Variants in SLC25A33 observed in about 807,000 individuals in gnomAD.
SLC25A33 encodes solute carrier family 25 member 33.
SLC25A33 carries 15 observed loss-of-function variants against 35.5 expected under a neutral mutation model. The observed-to-expected ratio is 0.42, with a 90% CI of 0.28 to 0.65. The LOEUF is 0.65. Among genes scored for constraint, SLC25A33 ranks in the 30% least tolerant of loss-of-function variants. The pLI is 0.20. For missense variants in SLC25A33, 257 were observed against 398.5 expected (o/e 0.64, Z 3.02); for synonymous variants, 136 against 148.7 (o/e 0.91, Z 0.62).
chr1:9,563,311 C>T (rs1244486146), intron 2 of SLC25A33, among the ~76,000 whole-genome samples: 2 of 152,170 alleles, frequency 1.3e-5, no homozygotes, highest in Non-Finnish European at 2.9e-5. Flanking sequence ...CATCTAATTG[C>T]TAGCCTACTA....
At chr1:9,567,520 G>A (rs1383308312) in intron 3 of SLC25A33, among the ~76,000 whole-genome samples, 159 bp downstream of exon 3, 4 of 152,200 alleles carry the variant, frequency 2.6e-5, no homozygotes, top group Non-Finnish European at 5.9e-5. Flanking sequence ...AATGCTAGGC[G>A]TGTCTTCAGT....
chr1:9,564,739 A>AAAAATATATATAT (rs60174872), intron 2 of SLC25A33, among the ~76,000 whole-genome samples: 35 of 96,578 alleles, frequency 3.6e-4, no homozygotes, highest in African/African-American at 1.5e-3. Context: ...AAAAAAAAAA[A>AAAAATATATATAT]ATATATATAT....
In SLC25A33 at chr1:9,578,287, C is replaced by T. The variant is rs1643691693; in HGVS notation, c.483-1667C>T. On this transcript the variant is annotated intron_variant, in intron 5 of 6. Coordinates refer to ENST00000302692, the MANE Select transcript of SLC25A33 (RefSeq NM_032315.3). The surrounding 1 kb of genome is among the most constrained non-coding windows in gnomAD (Gnocchi z 4.3). ...TAGAAAGGTCACTGCCGCTAAGGAG[C>T]GGGAACAGTCTATGCGGAGATAATA... Among the ~76,000 whole-genome samples the T allele has an allele frequency of 1.3e-5, 2 of 152,080 alleles. No homozygotes were observed. Among genetic ancestry groups the T allele is most frequent in the South Asian group, 2.1e-4 (1 of 4,830 alleles).
rs949316457 is a variant in SLC25A33 at position 9,578,103 on chromosome 1, A to G, written c.483-1851A>G. Among the ~76,000 whole-genome samples the G allele has an allele frequency of 6.6e-6, 1 of 152,070 alleles. No individual in the cohort carries two copies. The highest frequency in any genetic ancestry group is 6.6e-5 in the Admixed American group (1 of 15,262). ...CGGCTAATTTTTTGTATTTTTTAGT[A>G]GAGACGGGGTTTCACCGTGTTAGCC... On this transcript the variant is annotated intron_variant, in intron 5 of 6. Coordinates refer to ENST00000302692, the MANE Select transcript of SLC25A33 (RefSeq NM_032315.3). This position sits in a 1 kb window ranked among gnomAD's most constrained non-coding sequence, Gnocchi z 4.3.
At chr1:9,543,090 T>C (rs1041898116) in intron 1 of SLC25A33, among the ~76,000 whole-genome samples, 3 of 152,194 alleles carry the variant, frequency 2.0e-5, no homozygotes, top group Admixed American at 6.5e-5. Flanking sequence ...AGTGCTAGGA[T>C]TATACAGGTG....
At chr1:9,572,456 A>C (rs1569871659) in intron 4 of SLC25A33, among the ~76,000 whole-genome samples, 1 of 81,336 alleles carries the variant, frequency 1.2e-5, no homozygotes, top group Non-Finnish European at 2.2e-5. Flanking sequence ...CTAAAAATAC[A>C]AAAAAAAAAA....
chr1:9,560,841 G>A (rs1325723839), intron 2 of SLC25A33, among the ~76,000 whole-genome samples: 1 of 150,366 alleles, frequency 6.7e-6, no homozygotes, highest in African/African-American at 2.5e-5. Context: ...ATGTGCCAGA[G>A]TAATAAATAG....
intron 1 of SLC25A33, among the ~76,000 whole-genome samples, chr1:9,548,512 G>A (rs1643213615): frequency 6.6e-6 from 1 of 152,184 alleles, no homozygotes; most frequent in South Asian, 2.1e-4. Flanking sequence ...AACCTGGGAG[G>A]CAGAGGTTGC....
chr1:9,544,416 G>A (rs1370189303), intron 1 of SLC25A33, among the ~76,000 whole-genome samples: 2 of 151,652 alleles, frequency 1.3e-5, no homozygotes, highest in East Asian at 2.0e-4. Flanking sequence ...TTACAGGCAC[G>A]TGCCACCATG....
chr1:9,550,011 ATTTTTTT>A (rs70979761), intron 1 of SLC25A33, among the ~76,000 whole-genome samples: 7 of 48,864 alleles, frequency 1.4e-4, no homozygotes, highest in Non-Finnish European at 2.3e-4. Context: ...ATATATATAT[ATTTTTTT>A]TTTTTTTTTT....
At position 9,578,071 on chromosome 1, in the gene SLC25A33, C is replaced by T. The variant is rs1183346036; in HGVS notation, c.483-1883C>T. Among the ~76,000 whole-genome samples, 1 of 152,160 alleles carries T rather than the reference C, an allele frequency of 6.6e-6. No homozygotes were observed. Among genetic ancestry groups the T allele is most frequent in the Non-Finnish European group, 1.5e-5 (1 of 68,030 alleles). On this transcript the variant is annotated intron_variant, in intron 5 of 6. Coordinates refer to ENST00000302692, the MANE Select transcript of SLC25A33 (RefSeq NM_032315.3). The surrounding 1 kb of genome is among the most constrained non-coding windows in gnomAD (Gnocchi z 4.3). Reference sequence around the variant, plus strand: ...CCGAGTAGCTGGGAAGTGCCCGCCACCATGCCCGGCTAATTTTTTGTATTT... The same window carrying T: ...CCGAGTAGCTGGGAAGTGCCCGCCATCATGCCCGGCTAATTTTTTGTATTT...
At chr1:9,545,215 T>TTTTG (rs1035790934) in intron 1 of SLC25A33, among the ~76,000 whole-genome samples, 13 of 152,112 alleles carry the variant, frequency 8.5e-5, no homozygotes, top group African/African-American at 2.4e-4. Flanking sequence ...GTTTTTTTTG[T>TTTTG]TTTGTTTGTT....
At chr1:9,581,048 T>C (rs1643739242) in intron 6 of SLC25A33, among the ~76,000 whole-genome samples, 1 of 152,214 alleles carries the variant, frequency 6.6e-6, no homozygotes, top group Admixed American at 6.5e-5. Context: ...ATAAGCCTTC[T>C]GTACTGTCAG....
At chr1:9,552,137 C>T (rs1444330712) in intron 1 of SLC25A33, among the ~76,000 whole-genome samples, 1 of 152,096 alleles carries the variant, frequency 6.6e-6, no homozygotes. Context: ...TCCAGAGAGA[C>T]AGTGTGAGTA....
intron 1 of SLC25A33, among the ~76,000 whole-genome samples, chr1:9,543,899 A>G (rs1011074298): frequency 9.9e-5 from 15 of 152,184 alleles, no homozygotes; most frequent in Non-Finnish European, 1.9e-4. Context: ...TGAGGTCAGG[A>G]GTTCGAGACC....
chr1:9,544,381 G>C (rs939334319), intron 1 of SLC25A33, among the ~76,000 whole-genome samples: 1 of 150,946 alleles, frequency 6.6e-6, no homozygotes, highest in African/African-American at 2.4e-5. Flanking sequence ...CAATTCTCGT[G>C]CCTCAGCCTC....
intron 2 of SLC25A33, among the ~76,000 whole-genome samples, chr1:9,562,874 T>C (rs1029466841): frequency 6.0e-5 from 9 of 149,476 alleles, no homozygotes; most frequent in Non-Finnish European, 1.2e-4. Context: ...AAAAAAATTA[T>C]ATAAATTGAA....
chr1:9,571,747 T>C (rs1051332038), intron 4 of SLC25A33, among the ~76,000 whole-genome samples: 1 of 151,992 alleles, frequency 6.6e-6, no homozygotes, highest in Non-Finnish European at 1.5e-5. Context: ...AAGCCATCCC[T>C]CCTGCCTCAG....
chr1:9,545,020 C>T (rs1400952665), intron 1 of SLC25A33, among the ~76,000 whole-genome samples: 1 of 152,104 alleles, frequency 6.6e-6, no homozygotes, highest in Non-Finnish European at 1.5e-5. Context: ...TGTAGTTTTA[C>T]TCTGCTGTCA....
Sources: allele counts gnomAD v4.1 joint callset (sites outside exome capture counted in the v4.1 genomes callset), GRCh38; gene constraint gnomAD v4.1.1; non-coding constraint Gnocchi (gnomAD v3.1); transcripts MANE v1.5; gene names NCBI Gene and HGNC (gene_info 2026-07-23, HGNC 2026-07-21).